The following NFS1 variants were observed in gnomAD, a reference collection of about 807,000 sequenced individuals.
NFS1 encodes cysteine desulfurase.
NFS1 carries 26 observed loss-of-function variants against 57.3 expected under a neutral mutation model. The observed-to-expected ratio is 0.45, with a 90% CI of 0.33 to 0.63. The LOEUF is 0.63. Among genes scored for constraint, NFS1 ranks in the 20% least tolerant of loss-of-function variants. The probability of loss-of-function intolerance (pLI) is 0.02; values close to 1 mark genes in which losing one functional copy is unlikely to be tolerated. For missense variants in NFS1, 505 were observed against 605.8 expected, an observed-to-expected ratio of 0.83 and a Z score of 1.75; for synonymous variants, 209 against 216.3, an observed-to-expected ratio of 0.97 and a Z score of 0.30.
chr20:35,674,531 G>T lies in NFS1; in HGVS notation c.1035C>A (p.Asp345Glu). 6.2e-7 allele frequency: 1 copy of T among 1,613,838 alleles called. No individual in the cohort carries two copies. ...CCATACCGGGATAATGGTGCTTAGGGTCCCCATTCATCACCACATCTGGAA... is the reference window on the plus strand; with the variant it reads ...CCATACCGGGATAATGGTGCTTAGGTTCCCCATTCATCACCACATCTGGAA... ...KSLPDVVMNGDPKHHYPGCIN... is the reference protein window; with the variant it reads ...KSLPDVVMNGEPKHHYPGCIN... The change falls in exon 9 of 13, where the codon GAC (aspartate) becomes GAA (glutamate). Residue 345 changes from aspartate to glutamate, a missense_variant. Physicochemically the swap from Asp to Glu is conservative, Grantham distance 45. Transcript: ENST00000374092.
At position 35,674,426 on chromosome 20, in the gene NFS1, T is replaced by C. The variant is rs2146413033; in HGVS notation, c.1060A>G (p.Ile354Val). Residue 354 changes from isoleucine to valine, a missense_variant, in exon 10 of 13, where the codon ATC becomes GTC. By Grantham distance (29) the Ile-to-Val change is conservative. Transcript: ENST00000374092. Reference protein sequence around the residue: ...GDPKHHYPGCINLSFAYVEGE... With the variant: ...GDPKHHYPGCVNLSFAYVEGE... ...TCCACATATGCAAAGGAGAGGTTGA[T>C]ACAGCCTGGAGGAAAGAAATACTGT... 1 of 1,614,118 alleles carries C rather than the reference T, an allele frequency of 6.2e-7. No homozygotes were observed. Among genetic ancestry groups the C allele is most frequent in the Non-Finnish European group, 8.5e-7 (1 of 1,179,986 alleles).
intron 4 of NFS1, among the ~76,000 whole-genome samples, chr20:35,693,575 C>T (rs1408319423): frequency 6.6e-6 from 1 of 152,148 alleles, no homozygotes; most frequent in African/African-American, 2.4e-5. Context: ...AGCCAGTAAT[C>T]CCAGAACTTT....
intron 5 of NFS1, among the ~76,000 whole-genome samples, chr20:35,687,509 T>C (rs911606953): frequency 5.9e-5 from 9 of 151,988 alleles, no homozygotes; most frequent in South Asian, 2.1e-4. Context: ...TTACCTATCA[T>C]TAGAGATGGC....
At chr20:35,697,903 C>T in intron 2 of NFS1, 103 bp from the exon 3 acceptor site, 1 of 712,416 alleles carries the variant, frequency 1.4e-6, no homozygotes, top group East Asian at 2.6e-5. Context: ...CTCTCAACCC[C>T]TCAGGCACTG....
Position 35,669,187 on chromosome 20 carries a change from T to A in NFS1, c.*435A>T, listed in dbSNP as rs577583866. ...ATAGCCTTTGGAGCTACAGAAAATATTACATTGAAGTGGATTATGCTTGCT... is the reference window on the plus strand; with the variant it reads ...ATAGCCTTTGGAGCTACAGAAAATAATACATTGAAGTGGATTATGCTTGCT... On this transcript the variant is annotated 3_prime_UTR_variant, in exon 13 of 13. Coordinates refer to ENST00000374092, the MANE Select transcript of NFS1 (RefSeq NM_021100.5). 2 of 155,576 alleles carry A rather than the reference T, an allele frequency of 1.3e-5. No individual in the cohort carries two copies. The highest frequency in any genetic ancestry group is 2.8e-5 in the Non-Finnish European group (2 of 70,304). The allele number at this position is 155,576 out of a possible 1,614,324, so 9.6% of individuals were successfully genotyped here.
intron 2 of NFS1, 78 bp from the exon 3 acceptor site, chr20:35,697,878 C>A (rs2035165845): frequency 2.1e-6 from 2 of 936,126 alleles, no homozygotes; most frequent in Admixed American, 4.1e-5. Flanking sequence ...GACCTGGCCA[C>A]CCTGCCTTAA....
intron 12 of NFS1, among the ~76,000 whole-genome samples, chr20:35,669,952 A>G (rs1034095740): frequency 6.6e-6 from 1 of 152,198 alleles, no homozygotes; most frequent in Non-Finnish European, 1.5e-5. Flanking sequence ...CCCTGAGCCA[A>G]TGGACACCAA....
intron 5 of NFS1, among the ~76,000 whole-genome samples, chr20:35,685,480 T>A (rs1002615267): frequency 6.6e-6 from 1 of 150,564 alleles, no homozygotes; most frequent in Admixed American, 6.6e-5. Flanking sequence ...CGAGGTCATG[T>A]CACTGCACTC....
At chr20:35,697,213 C>A (rs189469663) in intron 3 of NFS1, among the ~76,000 whole-genome samples, 257 of 152,106 alleles carry the variant, frequency 1.7e-3, no homozygotes, top group Non-Finnish European at 2.6e-3. Context: ...AGCAGAATCA[C>A]TTGAACCCGG....
chr20:35,685,986 A>T (rs13043011), intron 5 of NFS1, among the ~76,000 whole-genome samples: 6 of 147,422 alleles, frequency 4.1e-5, no homozygotes, highest in Admixed American at 1.4e-4. Flanking sequence ...CTAGAGTGCA[A>T]TGGCACGATC....
chr20:35,691,226 A>C (rs1314812744), intron 4 of NFS1, among the ~76,000 whole-genome samples: 1 of 152,174 alleles, frequency 6.6e-6, no homozygotes, highest in East Asian at 1.9e-4. Context: ...ATGTGTTTAG[A>C]GTTCTACTCT....
intron 5 of NFS1, among the ~76,000 whole-genome samples, chr20:35,687,187 C>A (rs2034960040): frequency 1.3e-5 from 2 of 152,272 alleles, no homozygotes; most frequent in Non-Finnish European, 2.9e-5. Flanking sequence ...AGAGAAGACT[C>A]TACTCCTCCA....
intron 7 of NFS1, among the ~76,000 whole-genome samples, chr20:35,680,080 G>A (rs916361481): frequency 2.0e-5 from 3 of 152,084 alleles, no homozygotes; most frequent in East Asian, 1.9e-4. Context: ...CGAGACGGGC[G>A]GATCACGAGG....
intron 4 of NFS1, among the ~76,000 whole-genome samples, chr20:35,691,738 CAAAAAAA>C (rs60402350): frequency 5.5e-5 from 1 of 18,150 alleles, no homozygotes; most frequent in South Asian, 3.1e-3. Context: ...GACTGCATCT[CAAAAAAA>C]AAAAAAAAAA....
chr20:35,676,968 G>A (rs1213579095), intron 7 of NFS1, among the ~76,000 whole-genome samples: 1 of 151,896 alleles, frequency 6.6e-6, no homozygotes, highest in African/African-American at 2.4e-5. Flanking sequence ...CCCGGTTAAA[G>A]TGATTCACCT....
intron 4 of NFS1, among the ~76,000 whole-genome samples, chr20:35,692,712 A>G (rs2035066184): frequency 1.3e-5 from 2 of 151,288 alleles, no homozygotes; most frequent in Admixed American, 1.3e-4. Context: ...AAAAAAGAAA[A>G]AAAAATGGGC....
intron 5 of NFS1, among the ~76,000 whole-genome samples, chr20:35,689,479 C>A (rs1187229529): frequency 1.4e-5 from 2 of 146,384 alleles, no homozygotes. Context: ...AAAAAATTAG[C>A]CAAGTGTGGC....
intron 8 of NFS1, 134 bp from the exon 9 acceptor site, chr20:35,674,751 C>A: frequency 1.3e-6 from 1 of 741,202 alleles, no homozygotes. Context: ...TCATGGGGAC[C>A]ACTGTATCTC....
chr20:35,675,603 G>A (rs970029641), intron 7 of NFS1: 4 of 184,886 alleles, frequency 2.2e-5, no homozygotes, highest in Admixed American at 1.7e-4. Context: ...AGGGGGCCGG[G>A]TGTGGTGGTT....
Sources: gnomAD v4.1 joint callset for allele counts (sites outside exome capture counted in the v4.1 genomes callset) on GRCh38, gnomAD v4.1.1 for gene constraint, MANE v1.5 for transcripts, NCBI Gene and HGNC (gene_info 2026-07-23, HGNC 2026-07-21) for gene names.